The following RNLS variants were observed in gnomAD, a reference collection of about 807,000 sequenced individuals.
RNLS encodes the protein renalase.
In RNLS, 39 loss-of-function variants were observed where a neutral mutation model predicts 39.8. The ratio of observed to expected loss-of-function variants is 0.98; its 90% confidence interval spans 0.76 to 1.28. The LOEUF (loss-of-function observed/expected upper bound fraction) is 1.28. Among genes scored for constraint, RNLS ranks in the 50% most tolerant of loss-of-function variants. RNLS has a pLI of 0.00. For missense variants in RNLS, 410 were observed against 413.3 expected (o/e 0.99, Z 0.07); for synonymous variants, 147 against 150.7 (o/e 0.98, Z 0.18).
intron 4 of RNLS, among the ~76,000 whole-genome samples, chr10:88,467,197 T>C (rs1843263678): frequency 6.6e-6 from 1 of 152,080 alleles, no homozygotes; most frequent in South Asian, 2.1e-4. Context: ...CCCTCTTACC[T>C]TTGCTTTATA....
intron 4 of RNLS, among the ~76,000 whole-genome samples, chr10:88,390,721 A>G (rs922375766): frequency 1.3e-5 from 2 of 152,110 alleles, no homozygotes; most frequent in African/African-American, 4.8e-5. Flanking sequence ...TATGAGGGCC[A>G]TTTTTCTTGG....
At position 88,389,018 on chromosome 10, in the gene RNLS, T is replaced by C. The variant is rs147070969; in HGVS notation, c.527-26293A>G. On this transcript the variant is annotated intron_variant, in intron 4 of 6. Transcript: ENST00000331772. ...TGTTATTTGTTAATTCCTGTCAGAG[T>C]TGAGAGCTCTGATAGTAGCTGCCAT... Among the ~76,000 whole-genome samples, 397 of 152,300 alleles carry C rather than the reference T, an allele frequency of 2.6e-3. 3 individuals carry two copies. The highest frequency in any genetic ancestry group is 8.9e-3 in the African/African-American group (369 of 41,564).
At chr10:88,244,229 A>G in the RNLS span, among the ~76,000 whole-genome samples, 1 of 152,198 alleles carries the variant, frequency 6.6e-6, no homozygotes, top group African/African-American at 2.4e-5. Context: ...CACACCAGAT[A>G]TGAGTAGGAC....
At chr10:88,540,332 T>C (rs1206775944) in intron 4 of RNLS, among the ~76,000 whole-genome samples, 1 of 152,164 alleles carries the variant, frequency 6.6e-6, no homozygotes, top group Non-Finnish European at 1.5e-5. Context: ...ATAAAAGTAT[T>C]ATAATTTTTC....
At chr10:88,229,958 T>C in the RNLS span, among the ~76,000 whole-genome samples, 1 of 152,226 alleles carries the variant, frequency 6.6e-6, no homozygotes, top group Non-Finnish European at 1.5e-5. Flanking sequence ...CTTCTTTTGC[T>C]AAGAATTTCT....
At chr10:88,574,740 G>A (rs906036242) in intron 3 of RNLS, among the ~76,000 whole-genome samples, 37 of 152,188 alleles carry the variant, frequency 2.4e-4, no homozygotes, top group Non-Finnish European at 5.9e-5. Context: ...ATTAGAGCAA[G>A]GGGCTTGTAA....
At chr10:88,315,917 G>T (rs1401312891) in intron 5 of RNLS, among the ~76,000 whole-genome samples, 1 of 152,060 alleles carries the variant, frequency 6.6e-6, no homozygotes, top group Non-Finnish European at 1.5e-5. Context: ...TATGGGAATG[G>T]AAGCAATAAG....
At chr10:88,471,598 C>T (rs1323024782) in intron 4 of RNLS, among the ~76,000 whole-genome samples, 1 of 152,138 alleles carries the variant, frequency 6.6e-6, no homozygotes, top group Non-Finnish European at 1.5e-5. Flanking sequence ...CACTTTCAGG[C>T]TTGATGATTC....
chr10:88,311,126 G>A (rs1399992822), intron 6 of RNLS, among the ~76,000 whole-genome samples: 1 of 152,162 alleles, frequency 6.6e-6, no homozygotes, highest in African/African-American at 2.4e-5. Flanking sequence ...TTCTGGAATT[G>A]AAGAAAGAGG....
chr10:88,242,004 G>A, the RNLS span, among the ~76,000 whole-genome samples: 1 of 151,790 alleles, frequency 6.6e-6, no homozygotes, highest in Non-Finnish European at 1.5e-5. Context: ...TGTTTTATGT[G>A]TCTGCCTGCC....
intron 4 of RNLS, among the ~76,000 whole-genome samples, chr10:88,402,179 C>T (rs906662900): frequency 4.6e-5 from 7 of 151,988 alleles, no homozygotes; most frequent in African/African-American, 1.7e-4. Flanking sequence ...CACCTCCCTT[C>T]TCACAGTACA....
intron 3 of RNLS, among the ~76,000 whole-genome samples, chr10:88,578,593 G>T (rs1368884711): frequency 6.6e-6 from 1 of 151,760 alleles, no homozygotes; most frequent in Non-Finnish European, 1.5e-5. Context: ...AATAAACAAA[G>T]AAAAATTTAT....
the RNLS span, among the ~76,000 whole-genome samples, chr10:88,247,119 G>T: frequency 8.5e-5 from 13 of 152,104 alleles, no homozygotes; most frequent in African/African-American, 2.9e-4. Flanking sequence ...GGCCAGAGTC[G>T]GGGAGAAAGT....
chr10:88,403,112 A>C (rs1274894370), intron 4 of RNLS, among the ~76,000 whole-genome samples: 1 of 152,050 alleles, frequency 6.6e-6, no homozygotes, highest in African/African-American at 2.4e-5. Context: ...GACCACAGAA[A>C]CCATACAGGG....
chr10:88,174,414 T>C, the RNLS span, among the ~76,000 whole-genome samples: 1 of 152,158 alleles, frequency 6.6e-6, no homozygotes, highest in Non-Finnish European at 1.5e-5. Flanking sequence ...ATATGGTCTT[T>C]ATTGTGTGAG....
chr10:88,443,476 T>G (rs1464993764), intron 4 of RNLS, among the ~76,000 whole-genome samples: 2 of 152,036 alleles, frequency 1.3e-5, no homozygotes, highest in African/African-American at 4.8e-5. Flanking sequence ...TGCAGGACAG[T>G]GGGTGCAGCA....
At chr10:88,265,979 T>A in the RNLS span, among the ~76,000 whole-genome samples, 1 of 152,336 alleles carries the variant, frequency 6.6e-6, no homozygotes, top group South Asian at 2.1e-4. Context: ...GCAGCCAGCA[T>A]GAGGCAGCTC....
At chr10:88,570,887 T>C (rs564451036) in intron 4 of RNLS, among the ~76,000 whole-genome samples, 102 of 152,146 alleles carry the variant, frequency 6.7e-4, no homozygotes, top group Middle Eastern at 3.4e-3. Context: ...CTGTATAGCC[T>C]AGCAACTATA....
chr10:88,561,319 G>T lies in RNLS; in HGVS notation c.526+11584C>A, dbSNP rs556153113. Among the ~76,000 whole-genome samples the T allele has an allele frequency of 1.1e-4, 17 of 152,112 alleles. No homozygotes were observed. The South Asian group carries it at 1.2e-3, about 11-fold the overall frequency. On this transcript the variant is annotated intron_variant, in intron 4 of 6. Transcript: ENST00000331772. ...TAAAAATGACTTAAAACCACAAATT[G>T]ATTATAATGAAAACAATGACGATAT...
Sources: allele counts gnomAD v4.1 joint callset (sites outside exome capture counted in the v4.1 genomes callset), GRCh38; gene constraint gnomAD v4.1.1; transcripts MANE v1.5; gene names NCBI Gene and HGNC (gene_info 2026-07-23, HGNC 2026-07-21).